The following AGPS variants were observed in gnomAD, a reference collection of about 807,000 sequenced individuals.
The protein encoded by AGPS is alkyldihydroxyacetonephosphate synthase, peroxisomal.
In AGPS, 26 loss-of-function variants were observed where a neutral mutation model predicts 90.7. The ratio of observed to expected loss-of-function variants is 0.29; its 90% CI spans 0.21 to 0.40. The LOEUF is 0.40. Ranked by LOEUF, AGPS falls within the 10% of genes least tolerant of loss-of-function variation. AGPS has a pLI of 1.00. For synonymous variants in AGPS, 294 were observed against 285.3 expected (o/e 1.03, Z -0.31); for missense variants, 540 against 816.1 (o/e 0.66, Z 4.12).
chr2:177,436,978 A>G lies in AGPS; in HGVS notation c.563-2A>G. Reference sequence around the variant, plus strand: ...TTTTTCTTTTTTTTAACCACAAAACAGGTCATTGTCTTCATGAGATATTTT... The same window carrying G: ...TTTTTCTTTTTTTTAACCACAAAACGGGTCATTGTCTTCATGAGATATTTT... On this transcript the variant is annotated splice_acceptor_variant, in intron 4 of 19. Coordinates refer to ENST00000264167, the MANE Select transcript of AGPS (RefSeq NM_003659.4). LOFTEE classifies it high-confidence loss of function. 2 of 1,613,428 alleles carry G rather than the reference A, an allele frequency of 1.2e-6. No homozygotes were observed. Among genetic ancestry groups the G allele is most frequent in the Non-Finnish European group, 1.7e-6 (2 of 1,179,710 alleles).
chr2:177,520,493 T>G (rs985092589), intron 17 of AGPS, among the ~76,000 whole-genome samples: 4 of 152,056 alleles, frequency 2.6e-5, no homozygotes, highest in Non-Finnish European at 5.9e-5. Context: ...TAATTTTGCC[T>G]TTTTCAAGGG....
chr2:177,470,874 C>A (rs1190009243), intron 10 of AGPS, among the ~76,000 whole-genome samples: 1 of 152,114 alleles, frequency 6.6e-6, no homozygotes, highest in African/African-American at 2.4e-5. Flanking sequence ...CCTGATTCTA[C>A]TACTTATATT....
chr2:177,450,604 A>G (rs1018179900), intron 8 of AGPS, among the ~76,000 whole-genome samples: 2 of 152,116 alleles, frequency 1.3e-5, no homozygotes, highest in East Asian at 1.9e-4. Flanking sequence ...TCTGTTGTCT[A>G]TATATGTCTG....
At chr2:177,409,549 G>A (rs1685560733) in intron 1 of AGPS, among the ~76,000 whole-genome samples, 3 of 152,144 alleles carry the variant, frequency 2.0e-5, no homozygotes, top group Admixed American at 2.0e-4. Context: ...GTCGGCTTAG[G>A]AAATCCAGCT....
chr2:177,410,234 C>T (rs1209188433), intron 1 of AGPS, among the ~76,000 whole-genome samples: 2 of 152,132 alleles, frequency 1.3e-5, no homozygotes, highest in Non-Finnish European at 2.9e-5. Flanking sequence ...GCTCTTTTGG[C>T]TTCAATATCC....
At chr2:177,448,897 T>G (rs1480649334) in intron 8 of AGPS, among the ~76,000 whole-genome samples, 1 of 152,212 alleles carries the variant, frequency 6.6e-6, no homozygotes, top group Non-Finnish European at 1.5e-5. Flanking sequence ...CACATAGATT[T>G]GCTTAAATTC....
intron 8 of AGPS, among the ~76,000 whole-genome samples, chr2:177,454,782 T>C (rs2105656095): frequency 6.6e-6 from 1 of 152,282 alleles, no homozygotes; most frequent in East Asian, 1.9e-4. Flanking sequence ...TTTTTCAGTC[T>C]GAGACTAATT....
At chr2:177,480,757 A>T (rs1362967552) in intron 10 of AGPS, among the ~76,000 whole-genome samples, 1 of 151,766 alleles carries the variant, frequency 6.6e-6, no homozygotes, top group Non-Finnish European at 1.5e-5. Context: ...TTAAAAATTT[A>T]AAAATAAATA....
At chr2:177,535,902 CTT>C (rs997244847) in intron 19 of AGPS, among the ~76,000 whole-genome samples, 2 of 146,548 alleles carry the variant, frequency 1.4e-5, no homozygotes, top group African/African-American at 2.5e-5. Context: ...CCGTACTGCC[CTT>C]TTTTTTTTTC....
chr2:177,500,264 G>C (rs1357176275), intron 14 of AGPS, among the ~76,000 whole-genome samples: 1 of 151,918 alleles, frequency 6.6e-6, no homozygotes, highest in East Asian at 1.9e-4. Context: ...TGGTAGGGTG[G>C]TTTCTCTCTG....
chr2:177,445,447 C>A, intron 7 of AGPS, 99 bp from the exon 8 acceptor site: 1 of 1,038,364 alleles, frequency 9.6e-7, no homozygotes, highest in Non-Finnish European at 1.5e-6. Context: ...CTTGCTTAAT[C>A]ACTGTCTTAC....
chr2:177,519,889 T>C (rs953106515), intron 17 of AGPS, among the ~76,000 whole-genome samples: 2 of 152,256 alleles, frequency 1.3e-5, no homozygotes, highest in African/African-American at 4.8e-5. Context: ...TAGACAGAGC[T>C]GCCCCAAGGT....
intron 8 of AGPS, among the ~76,000 whole-genome samples, chr2:177,452,686 G>T (rs919866704): frequency 1.3e-5 from 2 of 151,770 alleles, no homozygotes; most frequent in Non-Finnish European, 2.9e-5. Flanking sequence ...ATTTATTGTG[G>T]TTTAGTTTAA....
chr2:177,463,104 A>G (rs1409809612), intron 9 of AGPS, among the ~76,000 whole-genome samples: 5 of 152,162 alleles, frequency 3.3e-5, no homozygotes, highest in South Asian at 2.1e-4. Context: ...AAGACCTGTC[A>G]TGTTTTATGT....
In AGPS at chr2:177,499,705, G is replaced by C. The variant is rs369244455; in HGVS notation, c.1450G>C (p.Val484Leu). 3 of 1,611,886 alleles carry C rather than the reference G, an allele frequency of 1.9e-6. No individual in the cohort carries two copies. The African/African-American group carries it at 4.0e-5, about 22-fold the overall frequency. The change falls in exon 14 of 20, where the codon GTG becomes CTG. Residue 484 changes from valine to leucine, a missense_variant. Val to Leu is a conservative substitution (Grantham distance 32). Coordinates refer to ENST00000264167, the MANE Select transcript of AGPS (RefSeq NM_003659.4). ...GAAGGTTCTTCAACATGAAAAACAA[G>C]TGTATGATATTGCTGCAAAATTTGG... ...REKVLQHEKQVYDIAAKFGGL... is the reference protein window; with the variant it reads ...REKVLQHEKQLYDIAAKFGGL...
intron 10 of AGPS, among the ~76,000 whole-genome samples, chr2:177,473,035 T>C (rs954255926): frequency 3.3e-5 from 5 of 152,236 alleles, no homozygotes; most frequent in Non-Finnish European, 4.4e-5. Context: ...TCTGTTACTC[T>C]CTACTTTTTG....
chr2:177,497,189 T>C (rs1444521105), intron 12 of AGPS, among the ~76,000 whole-genome samples: 1 of 152,026 alleles, frequency 6.6e-6, no homozygotes, highest in Non-Finnish European at 1.5e-5. Context: ...AGGAAGCAAT[T>C]GCTAGTTTTA....
At chr2:177,536,223 G>A (rs1015856930) in intron 19 of AGPS, among the ~76,000 whole-genome samples, 6 of 152,114 alleles carry the variant, frequency 3.9e-5, no homozygotes, top group Non-Finnish European at 5.9e-5. Flanking sequence ...TGTTGGAGCA[G>A]TTGTTTGCAG....
intron 19 of AGPS, among the ~76,000 whole-genome samples, chr2:177,525,498 A>G (rs1286694171): frequency 6.6e-6 from 1 of 152,176 alleles, no homozygotes. Context: ...GTCAGCAGCC[A>G]ATAGTTTACT....
Sources: allele counts gnomAD v4.1 joint callset (sites outside exome capture counted in the v4.1 genomes callset), GRCh38; gene constraint gnomAD v4.1.1; transcripts MANE v1.5; gene names NCBI Gene and HGNC (gene_info 2026-07-23, HGNC 2026-07-21).